Variants in SPACA7 observed in about 807,000 individuals in gnomAD.
The protein encoded by SPACA7 is sperm acrosome-associated protein 7.
SPACA7 carries 19 observed loss-of-function variants against 26.3 expected under a neutral mutation model. That is an observed-to-expected ratio of 0.72 (90% CI 0.50 to 1.06). The LOEUF is 1.06. Among genes scored for constraint, SPACA7 ranks in the 50% least tolerant of loss-of-function variants. The probability of loss-of-function intolerance (pLI) is 0.00; values close to 1 mark genes in which losing one functional copy is unlikely to be tolerated. For synonymous variants in SPACA7, 84 were observed against 84.5 expected, an observed-to-expected ratio of 0.99 and a Z score of 0.04; for missense variants, 211 against 229.9, an observed-to-expected ratio of 0.92 and a Z score of 0.53.
chr13:112,433,657 G>A (rs550583303), intron 6 of SPACA7, among the ~76,000 whole-genome samples: 8 of 150,112 alleles, frequency 5.3e-5, no homozygotes, highest in Non-Finnish European at 8.9e-5. Context: ...AGTTGTCATC[G>A]AGCACAGGCC....
intron 5 of SPACA7, among the ~76,000 whole-genome samples, chr13:112,404,439 T>A (rs115756263): frequency 0.014 from 2,118 of 152,334 alleles, 45 homozygotes; most frequent in African/African-American, 0.049. Context: ...CCCATCTATC[T>A]TTGTTTTTGT....
chr13:112,410,377 A>G (rs1416240638), intron 5 of SPACA7, among the ~76,000 whole-genome samples: 1 of 151,968 alleles, frequency 6.6e-6, no homozygotes, highest in Non-Finnish European at 1.5e-5. Context: ...AAAAAAATAT[A>G]TATATATATT....
chr13:112,378,525 A>G (rs781046345), intron 1 of SPACA7: 2 of 348,472 alleles, frequency 5.7e-6, no homozygotes, highest in Admixed American at 3.9e-5. Context: ...GCTTTTTACA[A>G]GGAATCTCAG....
At chr13:112,406,060 C>T (rs972369560) in intron 5 of SPACA7, among the ~76,000 whole-genome samples, 13 of 151,982 alleles carry the variant, frequency 8.6e-5, no homozygotes, top group Admixed American at 1.3e-4. Flanking sequence ...TATTCATTTG[C>T]TTTTTTCTTC....
At chr13:112,401,218 T>G (rs139747495) in intron 5 of SPACA7, 54 bp downstream of exon 5, 12 of 1,391,640 alleles carry the variant, frequency 8.6e-6, no homozygotes, top group Non-Finnish European at 1.2e-5. Context: ...GAGGCATGAG[T>G]GTGTGAGGTG....
At chr13:112,414,619 C>T (rs529288065) in intron 5 of SPACA7, among the ~76,000 whole-genome samples, 18 of 152,014 alleles carry the variant, frequency 1.2e-4, no homozygotes, top group African/African-American at 4.3e-4. Context: ...CCATGTTGGC[C>T]AGGCTGGTCT....
intron 2 of SPACA7, among the ~76,000 whole-genome samples, chr13:112,394,096 C>T (rs1434582786): frequency 1.3e-5 from 2 of 152,074 alleles, no homozygotes; most frequent in African/African-American, 4.8e-5. Flanking sequence ...TCAGTCTTTC[C>T]ATCACACTGG....
In SPACA7 at chr13:112,398,046, A is replaced by G; in HGVS notation, c.152-3A>G. 1.2e-6 allele frequency: 2 copies of G among 1,610,160 alleles called. No individual in the cohort carries two copies. The highest frequency in any genetic ancestry group is 1.7e-5 in the Admixed American group (1 of 59,996). The stretch of plus-strand genomic sequence containing the variant: ...TAACGTGATCTTGTGTGCTTCTCCC[A>G]AGATGAAATTCTGGTCCAGGAGATT... On this transcript the variant is annotated splice_polypyrimidine_tract_variant and splice_region_variant and intron_variant, in intron 2 of 6. Transcript: ENST00000283550.
intron 5 of SPACA7, among the ~76,000 whole-genome samples, chr13:112,418,722 A>C (rs1886841398): frequency 1.3e-5 from 2 of 152,220 alleles, no homozygotes; most frequent in African/African-American, 4.8e-5. Flanking sequence ...TATGGGAAGC[A>C]ATATGCCATG....
chr13:112,397,341 T>A (rs1885340947), intron 2 of SPACA7, among the ~76,000 whole-genome samples: 1 of 152,028 alleles, frequency 6.6e-6, no homozygotes, highest in African/African-American at 2.4e-5. Context: ...CCTGGCCTGG[T>A]GACTGTGCTG....
intron 1 of SPACA7, among the ~76,000 whole-genome samples, chr13:112,379,366 TA>T (rs1311573987): frequency 1.3e-5 from 2 of 152,092 alleles, no homozygotes; most frequent in African/African-American, 4.8e-5. Flanking sequence ...AGCATCAGAG[TA>T]AAACAATAAT....
Position 112,401,082 on chromosome 13 carries a change from T to A in SPACA7, c.363T>A (p.Asn121Lys), listed in dbSNP as rs1885609506. 1 of 1,614,116 alleles carries A rather than the reference T, an allele frequency of 6.2e-7. No individual in the cohort carries two copies. Among genetic ancestry groups the A allele is most frequent in the African/African-American group, 1.3e-5 (1 of 75,060 alleles). The change falls in exon 5 of 7, where the codon AAT becomes AAA. Residue 121 changes from asparagine (N) to lysine (K), a missense_variant. Physicochemically the swap from Asn to Lys is moderately conservative, Grantham distance 94. Transcript: ENST00000283550. ...VKISNDEANA[N>K]ANLHGDPSEN... The stretch of plus-strand genomic sequence containing the variant: ...TTGTCATTAAAGAAGCCAATGCTAA[T>A]GCAAATCTCCATGGCGATCCTTCTG...
chr13:112,428,812 T>C (rs533110270), intron 5 of SPACA7, among the ~76,000 whole-genome samples: 2 of 152,326 alleles, frequency 1.3e-5, no homozygotes, highest in Admixed American at 1.3e-4. Flanking sequence ...AAAGTATGTG[T>C]ATTATACTGT....
chr13:112,425,264 A>G (rs1279646675), intron 5 of SPACA7, among the ~76,000 whole-genome samples: 2 of 152,212 alleles, frequency 1.3e-5, no homozygotes, highest in African/African-American at 4.8e-5. Context: ...TGAGTTGAAA[A>G]AAAAGTTGAA....
At chr13:112,428,112 C>T (rs1396501461) in intron 5 of SPACA7, among the ~76,000 whole-genome samples, 1 of 152,122 alleles carries the variant, frequency 6.6e-6, no homozygotes, top group Non-Finnish European at 1.5e-5. Context: ...ATACTTAGAT[C>T]ATGGGTTTGA....
chr13:112,402,526 C>T (rs1432894675), intron 5 of SPACA7, among the ~76,000 whole-genome samples: 1 of 152,144 alleles, frequency 6.6e-6, no homozygotes, highest in Non-Finnish European at 1.5e-5. Flanking sequence ...TCATTGATGT[C>T]CCTTGCCTAA....
intron 5 of SPACA7, among the ~76,000 whole-genome samples, chr13:112,401,722 A>T (rs1434128914): frequency 6.6e-6 from 1 of 152,180 alleles, no homozygotes; most frequent in Non-Finnish European, 1.5e-5. Context: ...ATAGGACTTC[A>T]TCTGCTACAT....
At chr13:112,432,942 C>G (rs1441681733) in intron 6 of SPACA7, among the ~76,000 whole-genome samples, 1 of 152,188 alleles carries the variant, frequency 6.6e-6, no homozygotes, top group Admixed American at 6.5e-5. Flanking sequence ...GTGGGGACCC[C>G]CAGTCCAGCC....
chr13:112,397,649 G>A (rs1369388798), intron 2 of SPACA7, among the ~76,000 whole-genome samples: 10 of 152,202 alleles, frequency 6.6e-5, no homozygotes, highest in Non-Finnish European at 1.2e-4. Flanking sequence ...AAGAAAATGC[G>A]GCTGTGTTGA....
Sources: gnomAD v4.1 joint callset for allele counts (sites outside exome capture counted in the v4.1 genomes callset) on GRCh38, gnomAD v4.1.1 for gene constraint, MANE v1.5 for transcripts, NCBI Gene and HGNC (gene_info 2026-07-23, HGNC 2026-07-21) for gene names.